GABRG3: variants seen among roughly 807,000 people sequenced by gnomAD.
GABRG3 encodes gamma-aminobutyric acid type A receptor subunit gamma3.
In GABRG3, 25 loss-of-function variants were observed where a neutral mutation model predicts 48.8. The ratio of observed to expected loss-of-function variants is 0.51; its 90% CI spans 0.37 to 0.72. The LOEUF is 0.72. Ranked by LOEUF, GABRG3 falls within the 30% of genes least tolerant of loss-of-function variation. The probability of loss-of-function intolerance (pLI) is 0.00; values close to 1 mark genes in which losing one functional copy is unlikely to be tolerated. For missense variants in GABRG3, 394 were observed against 577.9 expected (o/e 0.68, Z 3.26); for synonymous variants, 227 against 217.6 (o/e 1.04, Z -0.38).
chr15:27,388,297 AAGG>A (rs1896081401), intron 5 of GABRG3, among the ~76,000 whole-genome samples: 2 of 31,462 alleles, frequency 6.4e-5, no homozygotes, highest in African/African-American at 2.8e-4. Context: ...GGAAGAAAAG[AAGG>A]AAGGAAAGGG....
At chr15:27,215,722 G>C (rs1889225601) in intron 3 of GABRG3, among the ~76,000 whole-genome samples, 1 of 152,168 alleles carries the variant, frequency 6.6e-6, no homozygotes, top group Non-Finnish European at 1.5e-5. Context: ...GCTCGAGTCA[G>C]GGGTGTGGGT....
At chr15:27,026,893 C>A in intron 3 of GABRG3, 72 bp downstream of exon 3, 1 of 1,052,022 alleles carries the variant, frequency 9.5e-7, no homozygotes, top group Non-Finnish European at 1.4e-6. Flanking sequence ...TTGTGGATTT[C>A]TGTTTGAGAT....
chr15:27,070,848 A>C (rs1334046559), intron 3 of GABRG3, among the ~76,000 whole-genome samples: 1 of 152,180 alleles, frequency 6.6e-6, no homozygotes, highest in East Asian at 1.9e-4. Flanking sequence ...AATGAGAACT[A>C]CCCAATTCAC....
intron 6 of GABRG3, among the ~76,000 whole-genome samples, chr15:27,498,031 T>G (rs530926044): frequency 3.3e-5 from 5 of 152,354 alleles, no homozygotes; most frequent in African/African-American, 1.2e-4. Flanking sequence ...ATTATTCATT[T>G]CTTTTCTTAT....
chr15:27,170,670 A>C (rs1471130655), intron 3 of GABRG3, among the ~76,000 whole-genome samples: 3 of 152,198 alleles, frequency 2.0e-5, no homozygotes, highest in Admixed American at 2.0e-4. Flanking sequence ...TCAGTTTCCC[A>C]GTGGAGGTAT....
In GABRG3 at chr15:27,403,543, G is replaced by A. The variant is rs2140589924; in HGVS notation, c.574+74655G>A. Among the ~76,000 whole-genome samples, 3 of 152,254 alleles carry A rather than the reference G, an allele frequency of 2.0e-5. No homozygotes were observed. The South Asian group carries it at 6.2e-4, about 32-fold the overall frequency. ...CAAAACACTAATTTCCTTCCAAGGT[G>A]CAGTCATTACCTTGAGAGTTACTTC... is the stretch of plus-strand genomic sequence containing the variant. On this transcript the variant is annotated intron_variant, in intron 5 of 9. Coordinates refer to ENST00000615808, the MANE Select transcript of GABRG3 (RefSeq NM_033223.5).
At chr15:27,531,274 C>A (rs765462845) in intron 9 of GABRG3, among the ~76,000 whole-genome samples, 1 of 152,190 alleles carries the variant, frequency 6.6e-6, no homozygotes, top group African/African-American at 2.4e-5. Flanking sequence ...TTTACAAGAA[C>A]GCACCAAAGG....
intron 6 of GABRG3, among the ~76,000 whole-genome samples, chr15:27,512,392 A>G (rs1277704197): frequency 6.6e-6 from 1 of 152,148 alleles, no homozygotes; most frequent in African/African-American, 2.4e-5. Context: ...TGAAGGTCAG[A>G]GCAACTAGGA....
At chr15:27,434,603 A>G (rs762252012) in intron 5 of GABRG3, among the ~76,000 whole-genome samples, 2 of 152,224 alleles carry the variant, frequency 1.3e-5, no homozygotes, top group Non-Finnish European at 2.9e-5. Flanking sequence ...AAAACAAATG[A>G]TAGCACATAA....
chr15:27,527,490 C>G lies in GABRG3; in HGVS notation c.923C>G (p.Pro308Arg). The G allele has an allele frequency of 6.2e-7, 1 of 1,613,956 alleles. No individual in the cohort carries two copies. Among genetic ancestry groups the G allele is most frequent in the Non-Finnish European group, 8.5e-7 (1 of 1,179,882 alleles). The change falls in exon 8 of 10, where the codon CCA (proline) becomes CGA (arginine). Residue 308 changes from proline to arginine, a missense_variant. By Grantham distance (103) the Pro-to-Arg change is moderately radical. Around this residue, in one of 3 missense-constraint regions of GABRG3, gnomAD observed 50 missense variants for 112.5 expected, o/e 0.44. Transcript: ENST00000615808. ...AGCACCATCGCCAGGAAGTCCTTGC[C>G]ACGCGTGTCCTACGTGACCGCCATG... Reference protein sequence around the residue: ...TLSTIARKSLPRVSYVTAMDL... With the variant: ...TLSTIARKSLRRVSYVTAMDL...
intron 5 of GABRG3, among the ~76,000 whole-genome samples, chr15:27,360,453 C>T (rs1186954031): frequency 1.3e-5 from 2 of 152,238 alleles, no homozygotes. Flanking sequence ...CAGAAACACA[C>T]TTCTCTGAGT....
chr15:27,002,773 G>A (rs1466183833), intron 2 of GABRG3, among the ~76,000 whole-genome samples: 4 of 145,340 alleles, frequency 2.8e-5, no homozygotes, highest in Middle Eastern at 3.5e-3. Flanking sequence ...AGGAAGGAAG[G>A]AAGGAAGGAA....
At chr15:27,429,736 TA>T (rs1888394595) in intron 5 of GABRG3, among the ~76,000 whole-genome samples, 1 of 152,232 alleles carries the variant, frequency 6.6e-6, no homozygotes, top group East Asian at 1.9e-4. Flanking sequence ...TCATAGCTTA[TA>T]TTAGTACCGC....
chr15:27,406,549 A>G (rs555036457), intron 5 of GABRG3, among the ~76,000 whole-genome samples: 8 of 152,282 alleles, frequency 5.3e-5, no homozygotes, highest in African/African-American at 1.7e-4. Flanking sequence ...GCCACAAGAA[A>G]ACATCAGGCA....
intron 2 of GABRG3, among the ~76,000 whole-genome samples, chr15:27,023,216 G>A (rs1895927956): frequency 6.6e-6 from 1 of 152,094 alleles, no homozygotes; most frequent in Non-Finnish European, 1.5e-5. Context: ...CTTTCACTCA[G>A]AAAATTGCTC....
intron 3 of GABRG3, among the ~76,000 whole-genome samples, chr15:27,274,294 G>A (rs530391036): frequency 2.6e-5 from 4 of 152,256 alleles, no homozygotes; most frequent in East Asian, 1.9e-4. Flanking sequence ...GCTGTAACAC[G>A]ACACCTGAGG....
intron 3 of GABRG3, among the ~76,000 whole-genome samples, chr15:27,229,368 G>T (rs1401442273): frequency 6.6e-6 from 1 of 151,748 alleles, no homozygotes; most frequent in African/African-American, 2.4e-5. Flanking sequence ...TTTCAGCTTT[G>T]TCAAAGATCA....
intron 2 of GABRG3, among the ~76,000 whole-genome samples, chr15:27,023,414 A>G (rs1182694142): frequency 6.6e-6 from 1 of 152,016 alleles, no homozygotes; most frequent in Non-Finnish European, 1.5e-5. Context: ...ATCCATCTCC[A>G]GAACTCTTTT....
At chr15:27,296,933 C>T (rs571317050) in intron 3 of GABRG3, among the ~76,000 whole-genome samples, 14 of 151,448 alleles carry the variant, frequency 9.2e-5, no homozygotes, top group African/African-American at 2.9e-4. Flanking sequence ...TAGGAGATGA[C>T]GGCTCCATGT....
Sources: gnomAD v4.1 joint callset for allele counts (sites outside exome capture counted in the v4.1 genomes callset) on GRCh38, gnomAD v4.1.1 for gene constraint, gnomAD v4.1.1 regional missense constraint, MANE v1.5 for transcripts, NCBI Gene and HGNC (gene_info 2026-07-23, HGNC 2026-07-21) for gene names.